Variants in PCSK5 observed in about 807,000 individuals in gnomAD.
The protein encoded by PCSK5 is proprotein convertase subtilisin/kexin type 5.
A neutral mutation model predicts 233.2 loss-of-function variants in PCSK5; 129 were observed. The observed-to-expected ratio is 0.55, with a 90% CI of 0.48 to 0.64. The LOEUF is 0.64. Ranked by LOEUF, PCSK5 falls within the 30% of genes least tolerant of loss-of-function variation. The probability of loss-of-function intolerance (pLI) is 0.00; values close to 1 mark genes in which losing one functional copy is unlikely to be tolerated. For missense variants in PCSK5, 2,076 were observed against 2,430.1 expected, an observed-to-expected ratio of 0.85 and a Z score of 3.06; for synonymous variants, 825 against 879.2, an observed-to-expected ratio of 0.94 and a Z score of 1.09.
intron 24 of PCSK5, among the ~76,000 whole-genome samples, chr9:76,266,064 C>T (rs987126525): frequency 3.9e-5 from 6 of 152,130 alleles, no homozygotes; most frequent in Non-Finnish European, 7.4e-5. Flanking sequence ...CAATGTAGAG[C>T]TTTCAAAATT....
intron 9 of PCSK5, among the ~76,000 whole-genome samples, chr9:76,132,105 T>C (rs933954670): frequency 1.3e-5 from 2 of 152,094 alleles, no homozygotes; most frequent in Admixed American, 1.3e-4. Flanking sequence ...TAGGCAGAGC[T>C]AGAACATCTT....
At chr9:76,046,473 G>T (rs1391345547) in intron 5 of PCSK5, among the ~76,000 whole-genome samples, 1 of 150,196 alleles carries the variant, frequency 6.7e-6, no homozygotes, top group Non-Finnish European at 1.5e-5. Flanking sequence ...ACCGCGCCCA[G>T]CCAATTTTTT....
At chr9:76,203,121 C>T (rs932436223) in intron 20 of PCSK5, among the ~76,000 whole-genome samples, 1 of 152,166 alleles carries the variant, frequency 6.6e-6, no homozygotes. Flanking sequence ...AGCATCATCC[C>T]TGTGAACCTT....
intron 7 of PCSK5, among the ~76,000 whole-genome samples, chr9:76,088,005 C>T (rs1206071819): frequency 6.6e-6 from 1 of 152,250 alleles, no homozygotes; most frequent in African/African-American, 2.4e-5. Flanking sequence ...CCATCTCTCT[C>T]ATCAGCCATC....
In PCSK5 at chr9:76,343,333, TTGTGTGTGTGTGTG is replaced by T. The variant is rs57513234; in HGVS notation, c.4966+4916_4966+4929del. On this transcript the variant is annotated intron_variant, in intron 35 of 37. Coordinates refer to ENST00000674117, the MANE Select transcript of PCSK5 (RefSeq NM_001372043.1). ...GCACACACCACCGCACCTGGGTAAT[TTGTGTGTGTGTGTG>T]TGTGTGTGTGTGTGTGTGTGTGTGT... Among the ~76,000 whole-genome samples, 210 of 133,900 alleles carry T rather than the reference TTGTGTGTGTGTGTG, an allele frequency of 1.6e-3. 1 individual carries two copies. The highest frequency in any genetic ancestry group is 3.6e-3 in the Middle Eastern group (1 of 276). 87.8% of individuals were successfully genotyped at this position (133,900 alleles called of 152,430 possible).
At chr9:75,929,844 A>G (rs1272144555) in intron 1 of PCSK5, among the ~76,000 whole-genome samples, 1 of 151,322 alleles carries the variant, frequency 6.6e-6, no homozygotes, top group Non-Finnish European at 1.5e-5. Flanking sequence ...GTTTCCCCTT[A>G]TAAAACTGTC....
At chr9:76,087,255 T>C (rs995217985) in intron 7 of PCSK5, among the ~76,000 whole-genome samples, 8 of 152,258 alleles carry the variant, frequency 5.3e-5, no homozygotes, top group Non-Finnish European at 8.8e-5. Flanking sequence ...TACTAAGCCT[T>C]TTGTGAGTTG....
At chr9:76,231,200 G>T (rs1826067269) in intron 21 of PCSK5, among the ~76,000 whole-genome samples, 3 of 152,182 alleles carry the variant, frequency 2.0e-5, no homozygotes, top group Non-Finnish European at 4.4e-5. Context: ...GCAGGAAGGA[G>T]AAGTGCTGAG....
At chr9:76,054,913 G>A (rs947954215) in intron 5 of PCSK5, among the ~76,000 whole-genome samples, 4 of 152,112 alleles carry the variant, frequency 2.6e-5, no homozygotes, top group African/African-American at 9.6e-5. Flanking sequence ...TTAAAAGCTT[G>A]CTAGTTATTT....
At chr9:76,058,884 C>A (rs1033371599) in intron 5 of PCSK5, among the ~76,000 whole-genome samples, 1 of 152,106 alleles carries the variant, frequency 6.6e-6, no homozygotes, top group East Asian at 1.9e-4. Flanking sequence ...GTAGCACACA[C>A]CTGTAGGCCC....
At chr9:75,948,090 T>TCCTGCCTCAGACTCCCA in intron 2 of PCSK5, among the ~76,000 whole-genome samples, 1 of 152,186 alleles carries the variant, frequency 6.6e-6, no homozygotes, top group East Asian at 1.9e-4. Context: ...GAAGCAATCC[T>TCCTGCCTCAGACTCCCA]CCTGCCTCAG....
intron 1 of PCSK5, among the ~76,000 whole-genome samples, chr9:75,915,832 A>C (rs567126802): frequency 1.3e-5 from 2 of 152,328 alleles, no homozygotes; most frequent in South Asian, 4.1e-4. Context: ...CACTGTATTG[A>C]GTTTATCTTT....
Position 76,257,907 on chromosome 9 carries a change from C to T in PCSK5, c.3142+17223C>T, listed in dbSNP as rs149121214. Among the ~76,000 whole-genome samples, 88 of 152,310 alleles carry T rather than the reference C, an allele frequency of 5.8e-4. 1 individual carries two copies. Among genetic ancestry groups the T allele is most frequent in the African/African-American group, 2.0e-3 (85 of 41,560 alleles). ...CTTTCCTTTATGTATATATGTTTTC[C>T]TATATGTATATGTTTTCCATAAAGA... On this transcript the variant is annotated intron_variant, in intron 24 of 37. Coordinates refer to ENST00000674117, the MANE Select transcript of PCSK5 (RefSeq NM_001372043.1).
chr9:75,968,293 G>A (rs999815652), intron 2 of PCSK5, among the ~76,000 whole-genome samples: 3 of 152,212 alleles, frequency 2.0e-5, no homozygotes, highest in Non-Finnish European at 2.9e-5. Flanking sequence ...TAGTTCAACC[G>A]ACGCAAGGTC....
chr9:76,164,863 A>T (rs1823027476), intron 12 of PCSK5, among the ~76,000 whole-genome samples: 1 of 152,096 alleles, frequency 6.6e-6, no homozygotes. Flanking sequence ...TTAAGTACTT[A>T]TGTACCCACA....
At position 75,891,223 on chromosome 9, in the gene PCSK5, C is replaced by A. The variant is rs765842214; in HGVS notation, c.42C>A (p.Asp14Glu). The change falls in exon 1 of 38, where the codon GAC becomes GAA. Residue 14 changes from aspartate (D) to glutamate (E), a missense_variant. Transcript: ENST00000674117. Reference protein sequence around the residue: ...GSRCCCPGRLDLLCVLALLGG... With the variant: ...GSRCCCPGRLELLCVLALLGG... The stretch of plus-strand genomic sequence containing the variant: ...GCTGCTGCTGCCCGGGACGTTTGGA[C>A]CTGCTGTGCGTGCTGGCGCTGCTCG... The A allele has an allele frequency of 2.0e-6, 3 of 1,512,414 alleles. No individual in the cohort carries two copies. In the Admixed American group the frequency reaches 7.9e-5, roughly 40 times the overall value. The allele number at this position is 1,512,414 out of a possible 1,614,324, so 93.7% of individuals were successfully genotyped here. A position where few individuals can be genotyped will look rare whatever the true frequency, so the allele number is the denominator to read the frequency against.
rs11144789 is a variant in PCSK5, at chr9:76,197,043, C to T, written c.2626+7297C>T. Among the ~76,000 whole-genome samples, 1,133 of 152,284 alleles carry T rather than the reference C, an allele frequency of 7.4e-3. 14 individuals are homozygous for T. Among genetic ancestry groups the T allele is most frequent in the Non-Finnish European group, 9.9e-3 (675 of 68,024 alleles). ...ATTGGTCCCTGAAGCATGGATGAGT[C>T]TTACCTGGGAAGACAGGAAGAGAGC... On this transcript the variant is annotated intron_variant, in intron 20 of 37. Coordinates refer to ENST00000674117, the MANE Select transcript of PCSK5 (RefSeq NM_001372043.1).
At chr9:76,244,807 A>G (rs188239451) in intron 24 of PCSK5, among the ~76,000 whole-genome samples, 413 of 152,312 alleles carry the variant, frequency 2.7e-3, no homozygotes, top group Non-Finnish European at 4.9e-3. Flanking sequence ...AAATACTTTG[A>G]GACGAAATAA....
At chr9:76,016,847 T>C (rs763601916) in intron 3 of PCSK5, among the ~76,000 whole-genome samples, 7 of 152,184 alleles carry the variant, frequency 4.6e-5, no homozygotes, top group Admixed American at 1.3e-4. Context: ...CTTCTATGCT[T>C]TGATTTCTTA....
Sources: allele counts gnomAD v4.1 joint callset (sites outside exome capture counted in the v4.1 genomes callset), GRCh38; gene constraint gnomAD v4.1.1; transcripts MANE v1.5; gene names NCBI Gene and HGNC (gene_info 2026-07-23, HGNC 2026-07-21).